Variants in STAT3 observed in about 807,000 individuals in gnomAD.
The protein encoded by STAT3 is signal transducer and activator of transcription 3.
Under a neutral mutation model 114.3 loss-of-function variants are expected in STAT3, and 7 were observed. The ratio of observed to expected loss-of-function variants is 0.06; its 90% CI spans 0.03 to 0.11. STAT3 has a LOEUF of 0.11. Among genes scored for constraint, STAT3 ranks in the 10% least tolerant of loss-of-function variants. The pLI is 1.00. For missense variants in STAT3, 364 were observed against 960.9 expected, an observed-to-expected ratio of 0.38 and a Z score of 8.21; for synonymous variants, 331 against 354.5, an observed-to-expected ratio of 0.93 and a Z score of 0.74.
chr17:42,337,782 G>A lies in STAT3; in HGVS notation c.626C>T (p.Ala209Val), dbSNP rs1356637796. The change falls in exon 7 of 24, where the codon GCG (alanine) becomes GTG (valine). Residue 209 changes from alanine to valine, a missense_variant. Transcript: ENST00000264657. This position sits in a 1 kb window ranked among gnomAD's most constrained non-coding sequence, Gnocchi z 4.0. ...KMQQLEQMLT[A>V]LDQMRRSIVS... Reference sequence around the variant, plus strand: ...CCTTACTCTCCGCATCTGGTCCAGCGCAGTGAGCATCTGTTCCAGCTGCTG... The same window carrying A: ...CCTTACTCTCCGCATCTGGTCCAGCACAGTGAGCATCTGTTCCAGCTGCTG... 1.9e-6 allele frequency: 3 copies of A among 1,614,224 alleles called. No homozygotes were observed. The highest frequency in any genetic ancestry group is 2.2e-5 in the East Asian group (1 of 44,888).
intron 1 of STAT3, among the ~76,000 whole-genome samples, chr17:42,370,888 C>T (rs756832768): frequency 3.6e-4 from 55 of 152,094 alleles, no homozygotes; most frequent in Admixed American, 6.6e-4. Context: ...GGATTACAGG[C>T]GTGAGCCACC....
intron 21 of STAT3, among the ~76,000 whole-genome samples, chr17:42,319,389 A>G (rs2081373971): frequency 6.6e-6 from 1 of 150,544 alleles, no homozygotes; most frequent in South Asian, 2.1e-4. Flanking sequence ...TAAAAATCCA[A>G]AAATTAGCCA....
rs2084780145 is a variant in STAT3, at chr17:42,381,333, T to C, written c.-24+6946A>G. 3.3e-5 allele frequency among the ~76,000 whole-genome samples: 5 copies of C among 152,204 alleles called. No homozygotes were observed. The East Asian group carries it at 7.7e-4, about 23-fold the overall frequency. On this transcript the variant is annotated intron_variant, in intron 1 of 23. Coordinates refer to ENST00000264657, the MANE Select transcript of STAT3 (RefSeq NM_139276.3). ...TGATGAGCAAGGTCATTTATTCTTA[T>C]GGCTGGGGGTAGCAGGAAGGAAAGC...
chr17:42,341,366 C>T (rs2082437633), intron 4 of STAT3, among the ~76,000 whole-genome samples: 1 of 152,250 alleles, frequency 6.6e-6, no homozygotes, highest in Non-Finnish European at 1.5e-5. Context: ...TGTGTTTCCA[C>T]ACTCTCTTCC....
chr17:42,315,605 A>T lies in STAT3; in HGVS notation c.*140T>A. The T allele has an allele frequency of 1.2e-6, 1 of 816,712 alleles. No individual in the cohort carries two copies. 50.6% of individuals were successfully genotyped at this position (816,712 alleles called of 1,614,324 possible). On this transcript the variant is annotated 3_prime_UTR_variant, in exon 24 of 24. Coordinates refer to ENST00000264657, the MANE Select transcript of STAT3 (RefSeq NM_139276.3). Reference sequence around the variant, plus strand: ...AAAAGTGCCCAGATTGCTCAAAGATAGCAGAAGTAGGAGATTAAAAAAAAT... The same window carrying T: ...AAAAGTGCCCAGATTGCTCAAAGATTGCAGAAGTAGGAGATTAAAAAAAAT...
At chr17:42,336,865 A>G (rs997632826) in intron 8 of STAT3, among the ~76,000 whole-genome samples, 1 of 151,938 alleles carries the variant, frequency 6.6e-6, no homozygotes, top group African/African-American at 2.4e-5. Context: ...TCTGTTAAAT[A>G]CAGTTAAACC....
intron 1 of STAT3, among the ~76,000 whole-genome samples, chr17:42,365,788 T>C (rs1327624932): frequency 6.6e-6 from 1 of 151,590 alleles, no homozygotes; most frequent in African/African-American, 2.4e-5. Flanking sequence ...CCCAAGTAGC[T>C]GGGACTACAG....
chr17:42,349,231 G>A (rs2082831056), intron 1 of STAT3, among the ~76,000 whole-genome samples: 1 of 152,158 alleles, frequency 6.6e-6, no homozygotes, highest in Non-Finnish European at 1.5e-5. Context: ...TTATCTACCA[G>A]AAGTGTGTGA....
rs145133747 is a variant in STAT3 at position 42,328,892 on chromosome 17, G to C, written c.1281+518C>G. On this transcript the variant is annotated intron_variant, in intron 14 of 23. Coordinates refer to ENST00000264657, the MANE Select transcript of STAT3 (RefSeq NM_139276.3). ...GAATCAATGAAAAGCAGAAAATAAG[G>C]GGGATAAAGAACAAGATGGGTTTTT... is the stretch of plus-strand genomic sequence containing the variant. Among the ~76,000 whole-genome samples, 479 of 152,218 alleles carry C rather than the reference G, an allele frequency of 3.1e-3. 1 individual carries two copies. The highest frequency in any genetic ancestry group is 0.011 in the African/African-American group (442 of 41,516).
intron 14 of STAT3, among the ~76,000 whole-genome samples, chr17:42,329,049 C>T (rs2081871710): frequency 6.6e-6 from 1 of 152,134 alleles, no homozygotes; most frequent in South Asian, 2.1e-4. Flanking sequence ...AAAAACAGGG[C>T]ACTAAAAATG....
At chr17:42,339,505 T>C in intron 4 of STAT3, 96 bp from the exon 5 acceptor site, 1 of 1,277,688 alleles carries the variant, frequency 7.8e-7, no homozygotes, top group Non-Finnish European at 1.1e-6. Context: ...ACCCTTCTTG[T>C]TTGGCTTGAG....
chr17:42,344,284 T>C (rs1288225372), intron 4 of STAT3, among the ~76,000 whole-genome samples: 1 of 150,406 alleles, frequency 6.6e-6, no homozygotes, highest in Non-Finnish European at 1.5e-5. Flanking sequence ...TAGCTGGGTG[T>C]GGTGGCGCGC....
intron 1 of STAT3, among the ~76,000 whole-genome samples, chr17:42,385,181 T>C (rs1279023644): frequency 6.6e-6 from 1 of 152,158 alleles, no homozygotes; most frequent in Admixed American, 6.6e-5. Context: ...ATACAACTTA[T>C]TCTTCATAGC....
chr17:42,320,901 C>T (rs1346247706), intron 21 of STAT3, among the ~76,000 whole-genome samples: 1 of 151,728 alleles, frequency 6.6e-6, no homozygotes, highest in East Asian at 1.9e-4. Context: ...ACACTGAGGA[C>T]AGCTGCAGAG....
intron 1 of STAT3, among the ~76,000 whole-genome samples, chr17:42,384,618 G>T (rs1269321975): frequency 6.6e-6 from 1 of 151,882 alleles, no homozygotes; most frequent in Non-Finnish European, 1.5e-5. Context: ...GCGGTGGCGG[G>T]ATCACGGCTC....
intron 1 of STAT3, among the ~76,000 whole-genome samples, chr17:42,377,628 T>C (rs2084541271): frequency 6.6e-6 from 1 of 152,168 alleles, no homozygotes; most frequent in South Asian, 2.1e-4. Context: ...GCGGACTAAC[T>C]TTCCACTTAC....
At chr17:42,343,455 CTTTTTTTT>C (rs34846688) in intron 4 of STAT3, among the ~76,000 whole-genome samples, 2 of 99,172 alleles carry the variant, frequency 2.0e-5, no homozygotes, top group African/African-American at 7.9e-5. Context: ...TCAGATCTTT[CTTTTTTTT>C]TTTTTTTTTT....
intron 23 of STAT3, 158 bp from the exon 24 acceptor site, chr17:42,315,958 TC>T: frequency 4.6e-6 from 7 of 1,518,952 alleles, no homozygotes; most frequent in Non-Finnish European, 6.2e-6. Context: ...AGATTTACCC[TC>T]CTCCCTGGAG....
chr17:42,343,782 C>G (rs1283656237), intron 4 of STAT3, among the ~76,000 whole-genome samples: 1 of 152,064 alleles, frequency 6.6e-6, no homozygotes, highest in Non-Finnish European at 1.5e-5. Context: ...CATCTTCTAA[C>G]AGGTTACTGC....
Sources: allele counts gnomAD v4.1 joint callset (sites outside exome capture counted in the v4.1 genomes callset), GRCh38; gene constraint gnomAD v4.1.1; non-coding constraint Gnocchi (gnomAD v3.1); transcripts MANE v1.5; gene names NCBI Gene and HGNC (gene_info 2026-07-23, HGNC 2026-07-21).